PSD3: variants seen among roughly 807,000 people sequenced by gnomAD.
PSD3 encodes the protein PH and SEC7 domain-containing protein 3.
In PSD3, 49 loss-of-function variants were observed where a neutral mutation model predicts 105.5. The observed-to-expected ratio is 0.46, with a 90% confidence interval of 0.37 to 0.59. The LOEUF (loss-of-function observed/expected upper bound fraction) is 0.59, where lower values mean the gene tolerates loss of function less well. Ranked by LOEUF, PSD3 falls within the 20% of genes least tolerant of loss-of-function variation. The pLI, the probability that PSD3 is intolerant of heterozygous loss-of-function variation, is 0.00. For missense variants in PSD3, 1,561 were observed against 1,263.8 expected (o/e 1.24, Z -3.57); for synonymous variants, 557 against 457.8 (o/e 1.22, Z -2.77).
At chr8:18,967,917 G>A (rs886352417) in intron 1 of PSD3, among the ~76,000 whole-genome samples, 3 of 152,128 alleles carry the variant, frequency 2.0e-5, no homozygotes, top group Non-Finnish European at 2.9e-5. Flanking sequence ...ACATATTCCT[G>A]GGAGCTGCGA....
At chr8:18,805,945 C>T (rs1199051468) in intron 4 of PSD3, among the ~76,000 whole-genome samples, 1 of 152,152 alleles carries the variant, frequency 6.6e-6, no homozygotes, top group Non-Finnish European at 1.5e-5. Flanking sequence ...CAGTCATTCT[C>T]TCAAGGAAAA....
chr8:19,017,286 C>A (rs1185549019), upstream of PSD3, among the ~76,000 whole-genome samples: 1 of 152,100 alleles, frequency 6.6e-6, no homozygotes. Context: ...TGGCCTCAAA[C>A]AGTCCTTCTG....
At chr8:18,884,185 A>C (rs1818303439) in intron 2 of PSD3, among the ~76,000 whole-genome samples, 1 of 151,026 alleles carries the variant, frequency 6.6e-6, no homozygotes, top group Non-Finnish European at 1.5e-5. Flanking sequence ...ACAAATATAA[A>C]GAGCAAGCCT....
At position 18,556,362 on chromosome 8, in the gene PSD3, A is replaced by T. The variant is rs766475761; in HGVS notation, c.2785-10T>A. On this transcript the variant is annotated splice_polypyrimidine_tract_variant and intron_variant, in intron 14 of 15. Transcript: ENST00000327040. The stretch of plus-strand genomic sequence containing the variant: ...ACTTCAGTTGCTCCTCCTGCAGGAA[A>T]TCATGATGCCATTTAGCGTTCAAAA... 40 of 1,606,976 alleles carry T rather than the reference A, an allele frequency of 2.5e-5. No homozygotes were observed. The highest frequency in any genetic ancestry group is 2.0e-5 in the Non-Finnish European group (23 of 1,177,836).
chr8:19,034,875 C>T (rs1211514550), intron 1 of PSD3, among the ~76,000 whole-genome samples: 1 of 152,150 alleles, frequency 6.6e-6, no homozygotes, highest in Admixed American at 6.5e-5. Flanking sequence ...ACTGTCTCTT[C>T]TCCCTGCCCT....
At chr8:18,688,037 G>T (rs1483183257) in intron 9 of PSD3, among the ~76,000 whole-genome samples, 2 of 152,098 alleles carry the variant, frequency 1.3e-5, no homozygotes, top group African/African-American at 4.8e-5. Context: ...CCAAAGTGCT[G>T]GGATTACAGA....
At chr8:18,602,130 T>C (rs1432124810) in intron 11 of PSD3, among the ~76,000 whole-genome samples, 1 of 152,224 alleles carries the variant, frequency 6.6e-6, no homozygotes, top group East Asian at 1.9e-4. Context: ...CCATAGGTCC[T>C]GAAGTACAAA....
chr8:18,630,978 C>G (rs1398880679), intron 11 of PSD3, among the ~76,000 whole-genome samples: 8 of 151,878 alleles, frequency 5.3e-5, no homozygotes, highest in Admixed American at 5.3e-4. Context: ...GATTTTGGTA[C>G]CTGTCAGAGG....
At chr8:18,987,647 A>G (rs1825577172) in intron 1 of PSD3, among the ~76,000 whole-genome samples, 1 of 152,016 alleles carries the variant, frequency 6.6e-6, no homozygotes, top group Non-Finnish European at 1.5e-5. Flanking sequence ...GTGAAACCCC[A>G]TCTCTACAGA....
intron 9 of PSD3, among the ~76,000 whole-genome samples, chr8:18,706,960 C>T (rs1254382905): frequency 6.6e-6 from 1 of 152,142 alleles, no homozygotes; most frequent in Non-Finnish European, 1.5e-5. Context: ...AAGAAATAGG[C>T]AAAGATTCTT....
chr8:18,629,960 G>C (rs533797205), intron 11 of PSD3, among the ~76,000 whole-genome samples: 153 of 151,976 alleles, frequency 1.0e-3, no homozygotes, highest in African/African-American at 3.7e-3. Context: ...TATCCAGGAA[G>C]AGCCTGAGGA....
At chr8:18,895,440 A>G (rs1243231607) in intron 2 of PSD3, among the ~76,000 whole-genome samples, 1 of 152,188 alleles carries the variant, frequency 6.6e-6, no homozygotes, top group African/African-American at 2.4e-5. Flanking sequence ...TGAAAGTCTC[A>G]TGCATTTACG....
chr8:18,539,295 G>T (rs754311788), intron 15 of PSD3, among the ~76,000 whole-genome samples: 1 of 152,200 alleles, frequency 6.6e-6, no homozygotes, highest in Non-Finnish European at 1.5e-5. Flanking sequence ...GCTCTGGAGA[G>T]CAAGGGCAAG....
At chr8:18,681,077 T>C (rs1012353470) in intron 9 of PSD3, among the ~76,000 whole-genome samples, 6 of 152,114 alleles carry the variant, frequency 3.9e-5, no homozygotes, top group Non-Finnish European at 8.8e-5. Flanking sequence ...ATTCCAACTC[T>C]GACAAGGAGA....
chr8:18,896,631 T>G (rs1419354754), intron 2 of PSD3, among the ~76,000 whole-genome samples: 1 of 152,134 alleles, frequency 6.6e-6, no homozygotes, highest in Admixed American at 6.5e-5. Flanking sequence ...CAGGCTGGTC[T>G]TGAACTCCTG....
intron 15 of PSD3, among the ~76,000 whole-genome samples, chr8:18,543,034 G>C (rs141032673): frequency 6.6e-6 from 1 of 152,032 alleles, no homozygotes; most frequent in Admixed American, 6.6e-5. Flanking sequence ...AAATAACTTG[G>C]GATGGAATTT....
At chr8:18,542,456 T>C (rs577495889) in intron 15 of PSD3, among the ~76,000 whole-genome samples, 1 of 152,284 alleles carries the variant, frequency 6.6e-6, no homozygotes, top group African/African-American at 2.4e-5. Context: ...ACTAAACAAA[T>C]AATAACAATA....
At chr8:18,998,532 G>A (rs10110491) in intron 1 of PSD3, among the ~76,000 whole-genome samples, 148,935 of 151,930 alleles carry the variant, frequency 0.98, 73,090 homozygotes, top group Middle Eastern at 1. Context: ...CTAAAAATAC[G>A]AAAAATTAGC....
intron 2 of PSD3, among the ~76,000 whole-genome samples, chr8:18,935,005 C>G (rs958817770): frequency 1.3e-5 from 2 of 152,186 alleles, no homozygotes; most frequent in African/African-American, 4.8e-5. Context: ...GCCTTATACT[C>G]CTGGCTCTGC....
Sources: allele counts gnomAD v4.1 joint callset (sites outside exome capture counted in the v4.1 genomes callset), GRCh38; gene constraint gnomAD v4.1.1; transcripts MANE v1.5; gene names NCBI Gene and HGNC (gene_info 2026-07-23, HGNC 2026-07-21).